SRBD1: variants seen among roughly 807,000 people sequenced by gnomAD.
SRBD1 encodes S1 RNA-binding domain-containing protein 1.
A neutral mutation model predicts 115.3 loss-of-function variants in SRBD1; 88 were observed. The ratio of observed to expected loss-of-function variants is 0.76; its 90% CI spans 0.64 to 0.91. The LOEUF is 0.91. Among genes scored for constraint, SRBD1 ranks in the 40% least tolerant of loss-of-function variants. SRBD1 has a pLI of 0.00. For synonymous variants in SRBD1, 509 were observed against 407.7 expected (o/e 1.25, Z -2.99); for missense variants, 1,385 against 1,177.4 (o/e 1.18, Z -2.58).
chr2:45,580,634 C>A (rs989584939), intron 6 of SRBD1, among the ~76,000 whole-genome samples: 1 of 142,520 alleles, frequency 7.0e-6, no homozygotes, highest in African/African-American at 2.6e-5. Context: ...GCTGGGATTA[C>A]AGGCGTGAGC....
intron 12 of SRBD1, among the ~76,000 whole-genome samples, chr2:45,549,350 T>C (rs1275074924): frequency 2.0e-5 from 3 of 151,386 alleles, no homozygotes; most frequent in Admixed American, 2.0e-4. Flanking sequence ...TCTAGAGATA[T>C]ACAGTGAGAA....
intron 10 of SRBD1, among the ~76,000 whole-genome samples, chr2:45,554,805 GC>G (rs1334788669): frequency 6.6e-6 from 1 of 152,076 alleles, no homozygotes; most frequent in African/African-American, 2.4e-5. Flanking sequence ...GTTGTTTGGT[GC>G]CTACTGTCCT....
intron 5 of SRBD1, among the ~76,000 whole-genome samples, chr2:45,584,970 G>A (rs948680531): frequency 1.2e-4 from 18 of 152,108 alleles, no homozygotes; most frequent in Admixed American, 1.2e-3. Flanking sequence ...GGCCAACATG[G>A]CAAAACCCTG....
chr2:45,528,042 G>C (rs973438628), intron 14 of SRBD1, among the ~76,000 whole-genome samples: 2 of 151,804 alleles, frequency 1.3e-5, no homozygotes, highest in African/African-American at 4.8e-5. Flanking sequence ...GTTGAAAATG[G>C]ATTTGTTTTA....
Position 45,477,038 on chromosome 2 carries a change from C to G in SRBD1, c.2004G>C (p.Glu668Asp), listed in dbSNP as rs1669824506. The change falls in exon 16 of 21, where the codon GAG becomes GAC. Residue 668 changes from glutamate (E) to aspartate (D), a missense_variant. Coordinates refer to ENST00000263736, the MANE Select transcript of SRBD1 (RefSeq NM_018079.5). ...TGTGCTTTGGCTCAATTTTCACTAG[C>G]TCAGCTAATGGATCTTGTACACGCC... The part of the protein sequence containing the change: ...IARRVQDPLA[E>D]LVKIEPKHIG... 1.2e-6 allele frequency: 2 copies of G among 1,613,780 alleles called. No homozygotes were observed. The highest frequency in any genetic ancestry group is 1.1e-5 in the South Asian group (1 of 91,070).
At chr2:45,476,682 A>G (rs546630059) in intron 16 of SRBD1, among the ~76,000 whole-genome samples, 1 of 152,310 alleles carries the variant, frequency 6.6e-6, no homozygotes, top group South Asian at 2.1e-4. Flanking sequence ...AGATAGCACC[A>G]CCATTTTTAT....
intron 19 of SRBD1, 143 bp from the exon 20 acceptor site, chr2:45,393,272 G>A (rs1403183549): frequency 3.6e-6 from 3 of 838,154 alleles, no homozygotes; most frequent in East Asian, 3.0e-5. Flanking sequence ...TATGTGTCCT[G>A]TGCTGTAAAC....
chr2:45,430,845 G>A (rs577539314), intron 16 of SRBD1, among the ~76,000 whole-genome samples: 1 of 152,280 alleles, frequency 6.6e-6, no homozygotes, highest in South Asian at 2.1e-4. Context: ...ACTATCATTA[G>A]ACTTAACAGG....
At chr2:45,432,070 C>T (rs1416763603) in intron 16 of SRBD1, among the ~76,000 whole-genome samples, 1 of 151,378 alleles carries the variant, frequency 6.6e-6, no homozygotes, top group African/African-American at 2.4e-5. Flanking sequence ...CACCCTGTCG[C>T]CCAGGCTGGA....
chr2:45,506,421 C>T (rs1026231457), intron 14 of SRBD1, among the ~76,000 whole-genome samples: 1 of 152,148 alleles, frequency 6.6e-6, no homozygotes, highest in Non-Finnish European at 1.5e-5. Context: ...ACAGTGCCAA[C>T]AGAAAGGCCT....
At chr2:45,476,802 A>T (rs1172955880) in intron 16 of SRBD1, among the ~76,000 whole-genome samples, 191 bp downstream of exon 16, 2 of 152,196 alleles carry the variant, frequency 1.3e-5, no homozygotes, top group African/African-American at 4.8e-5. Context: ...AATCAAAATC[A>T]TTAACACGAG....
At chr2:45,514,546 A>G (rs1288325541) in intron 14 of SRBD1, among the ~76,000 whole-genome samples, 4 of 152,170 alleles carry the variant, frequency 2.6e-5, no homozygotes, top group Non-Finnish European at 5.9e-5. Context: ...GCTAACATTT[A>G]AACTAAAATT....
chr2:45,448,673 C>T (rs530833301), intron 16 of SRBD1, among the ~76,000 whole-genome samples: 11 of 152,136 alleles, frequency 7.2e-5, no homozygotes, highest in Non-Finnish European at 1.3e-4. Flanking sequence ...GTGGAATAGA[C>T]CTGCAGATAA....
At chr2:45,570,503 G>A (rs893666033) in intron 9 of SRBD1, among the ~76,000 whole-genome samples, 3 of 152,162 alleles carry the variant, frequency 2.0e-5, no homozygotes, top group Non-Finnish European at 1.5e-5. Context: ...TGTTAGGAGT[G>A]ACATCACTGA....
chr2:45,585,875 T>A (rs1363606213), intron 4 of SRBD1, 101 bp from the exon 5 acceptor site: 32 of 904,716 alleles, frequency 3.5e-5, no homozygotes, highest in Non-Finnish European at 5.1e-5. Flanking sequence ...TCCAGTGACT[T>A]AGAAACTACT....
intron 4 of SRBD1, among the ~76,000 whole-genome samples, chr2:45,587,163 T>A (rs1006921140): frequency 3.0e-4 from 44 of 144,270 alleles, no homozygotes; most frequent in South Asian, 1.5e-3. Context: ...TTATTTTAAA[T>A]TATAAATATT....
In SRBD1 at chr2:45,417,614, C is replaced by T. The variant is rs567689200; in HGVS notation, c.2333+751G>A. Among the ~76,000 whole-genome samples, 65 of 152,262 alleles carry T rather than the reference C, an allele frequency of 4.3e-4. 1 individual carries two copies. In the South Asian group the frequency reaches 8.5e-3, roughly 20 times the overall value. On this transcript the variant is annotated intron_variant, in intron 18 of 20. Coordinates refer to ENST00000263736, the MANE Select transcript of SRBD1 (RefSeq NM_018079.5). ...CCACGTAGTCCCAAAGTAGCAGATACGTAAATGTTCTTCTTTCATGATTAT... is the reference window on the plus strand; with the variant it reads ...CCACGTAGTCCCAAAGTAGCAGATATGTAAATGTTCTTCTTTCATGATTAT...
intron 10 of SRBD1, 76 bp downstream of exon 10, chr2:45,562,577 T>C (rs1672702159): frequency 5.2e-6 from 6 of 1,158,356 alleles, no homozygotes; most frequent in East Asian, 2.6e-5. Context: ...CATCTTTACA[T>C]ATCAGTACAT....
intron 12 of SRBD1, among the ~76,000 whole-genome samples, chr2:45,549,716 A>AAAG (rs1672236465): frequency 1.3e-5 from 2 of 148,284 alleles, no homozygotes; most frequent in Non-Finnish European, 1.5e-5. Flanking sequence ...AAAAAAAAAA[A>AAAG]GGCAGGCATG....
Sources: allele counts gnomAD v4.1 joint callset (sites outside exome capture counted in the v4.1 genomes callset), GRCh38; gene constraint gnomAD v4.1.1; transcripts MANE v1.5; gene names NCBI Gene and HGNC (gene_info 2026-07-23, HGNC 2026-07-21).